BCKDHB: variants seen among roughly 807,000 people sequenced by gnomAD.
The protein encoded by BCKDHB is 2-oxoisovalerate dehydrogenase subunit beta, mitochondrial.
A neutral mutation model predicts 48.5 loss-of-function variants in BCKDHB; 41 were observed. The observed-to-expected ratio is 0.85, with a 90% confidence interval of 0.66 to 1.10. BCKDHB has a LOEUF of 1.10. Among genes scored for constraint, BCKDHB ranks in the 50% least tolerant of loss-of-function variants. The probability of loss-of-function intolerance (pLI) is 0.00; values close to 1 mark genes in which losing one functional copy is unlikely to be tolerated. For missense variants in BCKDHB, 496 were observed against 494.2 expected (o/e 1.00, Z -0.03); for synonymous variants, 201 against 174.8 (o/e 1.15, Z -1.18).
rs942089588 is a variant in BCKDHB, at chr6:80,343,862, C to T, written c.*58C>T. 22 of 1,583,546 alleles carry T rather than the reference C, an allele frequency of 1.4e-5. No individual in the cohort carries two copies. In the Admixed American group the frequency reaches 1.7e-4, roughly 12 times the overall value. ...ACTATGTGCCCCTGACATTAACGTACTGTTAACCAAGACACAGCAATCATC... is the reference window on the plus strand; with the variant it reads ...ACTATGTGCCCCTGACATTAACGTATTGTTAACCAAGACACAGCAATCATC... On this transcript the variant is annotated 3_prime_UTR_variant, in exon 10 of 10. Transcript: ENST00000320393.
chr6:80,438,462 A>G, the BCKDHB span, among the ~76,000 whole-genome samples: 2 of 152,198 alleles, frequency 1.3e-5, no homozygotes, highest in African/African-American at 4.8e-5. Flanking sequence ...TTTCTGTAAG[A>G]CAGATTTCAC....
At chr6:80,111,602 G>T (rs1412273231) in intron 1 of BCKDHB, among the ~76,000 whole-genome samples, 1 of 152,120 alleles carries the variant, frequency 6.6e-6, no homozygotes, top group Non-Finnish European at 1.5e-5. Context: ...ATCAATTCCT[G>T]CAGGCCTGAA....
At chr6:80,268,543 G>C (rs1024957088) in intron 8 of BCKDHB, among the ~76,000 whole-genome samples, 3 of 152,022 alleles carry the variant, frequency 2.0e-5, no homozygotes, top group Non-Finnish European at 4.4e-5. Context: ...CAGAATAGTT[G>C]CTGTACTTGG....
chr6:80,147,162 T>C (rs1466432999), intron 3 of BCKDHB, among the ~76,000 whole-genome samples: 1 of 152,198 alleles, frequency 6.6e-6, no homozygotes, highest in East Asian at 1.9e-4. Flanking sequence ...AAGTTAGTTC[T>C]ATTCTTATCC....
intron 6 of BCKDHB, among the ~76,000 whole-genome samples, chr6:80,199,047 A>G (rs1211076457): frequency 6.6e-6 from 1 of 152,172 alleles, no homozygotes; most frequent in Non-Finnish European, 1.5e-5. Context: ...CTAGACAGTT[A>G]CTGCTCTTCT....
At chr6:80,410,730 G>A in the BCKDHB span, among the ~76,000 whole-genome samples, 1 of 152,002 alleles carries the variant, frequency 6.6e-6, no homozygotes, top group Non-Finnish European at 1.5e-5. Context: ...CCACTTGATC[G>A]AATCAGCTAT....
intron 6 of BCKDHB, among the ~76,000 whole-genome samples, chr6:80,183,541 G>A (rs895209835): frequency 2.6e-5 from 4 of 152,032 alleles, no homozygotes; most frequent in African/African-American, 9.7e-5. Context: ...CTTCCCCATT[G>A]CCAACATCCC....
intron 8 of BCKDHB, among the ~76,000 whole-genome samples, chr6:80,255,896 A>G (rs1439702842): frequency 6.6e-6 from 1 of 152,206 alleles, no homozygotes; most frequent in Admixed American, 6.5e-5. Context: ...TGAACAACTG[A>G]TAAGTCAAAA....
At chr6:80,153,583 C>T (rs925280794) in intron 3 of BCKDHB, among the ~76,000 whole-genome samples, 2 of 152,140 alleles carry the variant, frequency 1.3e-5, no homozygotes, top group Admixed American at 1.3e-4. Flanking sequence ...CCACGTGCCT[C>T]TCAACTAACA....
chr6:80,371,514 G>A, the BCKDHB span, among the ~76,000 whole-genome samples: 1 of 151,990 alleles, frequency 6.6e-6, no homozygotes, highest in Non-Finnish European at 1.5e-5. Flanking sequence ...ATGTATCTTT[G>A]TTTTTGTTAC....
At chr6:80,405,524 T>C in the BCKDHB span, among the ~76,000 whole-genome samples, 2 of 152,152 alleles carry the variant, frequency 1.3e-5, no homozygotes, top group African/African-American at 2.4e-5. Context: ...TACACTTACA[T>C]TTAAATTAAT....
At chr6:80,222,744 C>T (rs1775516517) in intron 8 of BCKDHB, among the ~76,000 whole-genome samples, 1 of 152,102 alleles carries the variant, frequency 6.6e-6, no homozygotes. Context: ...TTCTTGGAAT[C>T]TCAGTTTTTT....
chr6:80,119,548 T>C (rs1328104030), intron 1 of BCKDHB, among the ~76,000 whole-genome samples: 1 of 152,118 alleles, frequency 6.6e-6, no homozygotes, highest in Non-Finnish European at 1.5e-5. Context: ...CTCGAACTCC[T>C]GGCCTCAAGT....
In BCKDHB at chr6:80,221,720, T is replaced by C. The variant is rs73482031; in HGVS notation, c.951+18508T>C. On this transcript the variant is annotated intron_variant, in intron 8 of 9. Coordinates refer to ENST00000320393, the MANE Select transcript of BCKDHB (RefSeq NM_183050.4). ...ATTTATAAGGCCCAATTTGAACTTATTGAATTATTAAGTAGAAAATTGAAA... is the reference window on the plus strand; with the variant it reads ...ATTTATAAGGCCCAATTTGAACTTACTGAATTATTAAGTAGAAAATTGAAA... Among the ~76,000 whole-genome samples, 806 of 152,332 alleles carry C rather than the reference T, an allele frequency of 5.3e-3. 9 individuals carry two copies. The highest frequency in any genetic ancestry group is 0.019 in the African/African-American group (771 of 41,588).
the BCKDHB span, among the ~76,000 whole-genome samples, chr6:80,366,701 T>C: frequency 1.3e-5 from 2 of 152,206 alleles, no homozygotes; most frequent in Admixed American, 1.3e-4. Context: ...CATTCATCCA[T>C]CTAGACTTCC....
At chr6:80,212,857 C>G (rs1447439838) in intron 8 of BCKDHB, among the ~76,000 whole-genome samples, 1 of 152,182 alleles carries the variant, frequency 6.6e-6, no homozygotes, top group East Asian at 1.9e-4. Flanking sequence ...ATACTGAATC[C>G]TATCAAGACT....
chr6:80,270,870 C>CA (rs1362845140), intron 8 of BCKDHB, among the ~76,000 whole-genome samples: 2 of 152,010 alleles, frequency 1.3e-5, no homozygotes, highest in Non-Finnish European at 2.9e-5. Context: ...TAAGATATCA[C>CA]AAAAACATTA....
intron 4 of BCKDHB, 35 bp from the exon 5 acceptor site, chr6:80,168,840 T>G (rs1335939048): frequency 6.3e-7 from 1 of 1,595,606 alleles, no homozygotes; most frequent in Non-Finnish European, 8.5e-7. Context: ...GAAGGACTCA[T>G]TGTGCCATGC....
At chr6:80,237,834 T>C (rs1186414452) in intron 8 of BCKDHB, among the ~76,000 whole-genome samples, 2 of 152,064 alleles carry the variant, frequency 1.3e-5, no homozygotes, top group Non-Finnish European at 2.9e-5. Flanking sequence ...GTTATTTACA[T>C]AAGTAGAAAA....
Sources: allele counts gnomAD v4.1 joint callset (sites outside exome capture counted in the v4.1 genomes callset), GRCh38; gene constraint gnomAD v4.1.1; transcripts MANE v1.5; gene names NCBI Gene and HGNC (gene_info 2026-07-23, HGNC 2026-07-21).